RYR2: variants seen among roughly 807,000 people sequenced by gnomAD.
The protein encoded by RYR2 is cardiac muscle ryanodine receptor-calcium release channel.
In RYR2, 227 loss-of-function variants were observed where a neutral mutation model predicts 601.1. The observed-to-expected ratio is 0.38, with a 90% CI of 0.34 to 0.42. RYR2 has a LOEUF of 0.42. Ranked by LOEUF, RYR2 falls within the 10% of genes least tolerant of loss-of-function variation. The pLI, the probability that RYR2 is intolerant of heterozygous loss-of-function variation, is 1.00. For synonymous variants in RYR2, 2,223 were observed against 2,175.1 expected (o/e 1.02, Z -0.61); for missense variants, 4,646 against 6,156.5 (o/e 0.75, Z 8.21).
At chr1:237,778,837 A>G (rs1694871643) in intron 88 of RYR2, 67 bp downstream of exon 88, 1 of 777,332 alleles carries the variant, frequency 1.3e-6, no homozygotes, top group South Asian at 1.5e-5. Context: ...TCAGCAAATT[A>G]AACATGCTTT....
intron 1 of RYR2, among the ~76,000 whole-genome samples, chr1:237,262,014 A>G (rs896550409): frequency 5.9e-5 from 9 of 152,152 alleles, no homozygotes; most frequent in African/African-American, 2.2e-4. Flanking sequence ...AGCTCTTATA[A>G]TATTTCCTAG....
chr1:237,138,126 G>A (rs922514004), intron 1 of RYR2, among the ~76,000 whole-genome samples: 11 of 152,106 alleles, frequency 7.2e-5, no homozygotes, highest in African/African-American at 2.7e-4. Context: ...CTGCCTCCTG[G>A]GTTCAAGCGA....
chr1:237,694,370 G>A (rs1687230136), intron 63 of RYR2, among the ~76,000 whole-genome samples: 1 of 151,698 alleles, frequency 6.6e-6, no homozygotes, highest in Admixed American at 6.6e-5. Flanking sequence ...AGGATTCAGT[G>A]TGCCATTAAG....
At chr1:237,296,431 T>G (rs910977651) in intron 2 of RYR2, among the ~76,000 whole-genome samples, 1 of 152,172 alleles carries the variant, frequency 6.6e-6, no homozygotes, top group African/African-American at 2.4e-5. Context: ...AAAGAAATAC[T>G]TTGATTCAGA....
intron 1 of RYR2, among the ~76,000 whole-genome samples, chr1:237,181,877 T>C (rs1678798110): frequency 6.6e-6 from 1 of 152,310 alleles, no homozygotes; most frequent in African/African-American, 2.4e-5. Flanking sequence ...AGTTCCGTGA[T>C]GGTTAATCCA....
chr1:237,208,585 C>A (rs1203951259), intron 1 of RYR2, among the ~76,000 whole-genome samples: 1 of 151,930 alleles, frequency 6.6e-6, no homozygotes, highest in Admixed American at 6.6e-5. Flanking sequence ...GCATAATTGT[C>A]AAAAATTATA....
rs967199869 is a variant in RYR2, at chr1:237,454,495, C to G, written c.1397C>G (p.Pro466Arg). Residue 466 changes from proline (P) to arginine (R), a missense_variant, in exon 15 of 105, where the codon CCA becomes CGA. By Grantham distance (103) the Pro-to-Arg change is moderately radical (BLOSUM62 -2). Transcript: ENST00000366574. ...LQDLIGYFHP[P>R]DEHLEHEDKQ... ...GATCTCATTGGCTACTTCCACCCCC[C>G]AGATGAGCATTTAGAGCATGAAGAC... 2 of 1,613,542 alleles carry G rather than the reference C, an allele frequency of 1.2e-6. No homozygotes were observed. The highest frequency in any genetic ancestry group is 1.7e-6 in the Non-Finnish European group (2 of 1,179,664).
intron 1 of RYR2, among the ~76,000 whole-genome samples, chr1:237,220,427 G>A (rs886391867): frequency 3.9e-4 from 60 of 152,154 alleles, no homozygotes; most frequent in African/African-American, 1.4e-3. Flanking sequence ...TTCTGAGGCT[G>A]CCAGATTTAC....
chr1:237,229,804 T>C (rs535721904), intron 1 of RYR2, among the ~76,000 whole-genome samples: 1 of 152,284 alleles, frequency 6.6e-6, no homozygotes, highest in Non-Finnish European at 1.5e-5. Context: ...GTGCCCTTAC[T>C]GTAAGCTCAA....
At chr1:237,524,105 C>T (rs531854310) in intron 24 of RYR2, among the ~76,000 whole-genome samples, 2 of 152,280 alleles carry the variant, frequency 1.3e-5, no homozygotes, top group East Asian at 3.9e-4. Flanking sequence ...AAGATTTACA[C>T]GTAAATGTTC....
chr1:237,318,122 T>C (rs1328005749), intron 2 of RYR2, among the ~76,000 whole-genome samples: 1 of 151,922 alleles, frequency 6.6e-6, no homozygotes, highest in Non-Finnish European at 1.5e-5. Context: ...CTCTTAATTC[T>C]TATGTACTCG....
intron 72 of RYR2, among the ~76,000 whole-genome samples, chr1:237,717,758 C>T (rs773390627): frequency 8.5e-5 from 13 of 152,104 alleles, no homozygotes; most frequent in Admixed American, 6.5e-5. Context: ...AAGGTGTTGA[C>T]TTTTAAATCA....
chr1:237,803,758 T>C (rs1022654349), intron 98 of RYR2, among the ~76,000 whole-genome samples: 1 of 152,198 alleles, frequency 6.6e-6, no homozygotes, highest in African/African-American at 2.4e-5. Flanking sequence ...GCTTAAATTA[T>C]TCATATGGAC....
chr1:237,353,065 G>A (rs1446226100), intron 3 of RYR2, among the ~76,000 whole-genome samples: 2 of 152,144 alleles, frequency 1.3e-5, no homozygotes, highest in Non-Finnish European at 2.9e-5. Context: ...TTGTTTTCTA[G>A]TATGTAAAAT....
intron 1 of RYR2, among the ~76,000 whole-genome samples, chr1:237,093,357 G>A (rs965061949): frequency 2.0e-5 from 3 of 152,198 alleles, no homozygotes; most frequent in African/African-American, 4.8e-5. Context: ...AGACTTTCAG[G>A]AAAACTTGAG....
chr1:237,270,442 T>C (rs992090022), intron 1 of RYR2, 55 bp from the exon 2 acceptor site: 3 of 1,548,572 alleles, frequency 1.9e-6, no homozygotes, highest in Non-Finnish European at 2.6e-6. Flanking sequence ...TGATTTGGAC[T>C]GTGCAGTCAT....
chr1:237,259,546 A>AAGAGAG (rs55758034), intron 1 of RYR2, among the ~76,000 whole-genome samples: 6 of 143,832 alleles, frequency 4.2e-5, no homozygotes, highest in African/African-American at 1.3e-4. Context: ...AAAAAAAAAA[A>AAGAGAG]AGAGAGACTA....
chr1:237,595,183 T>C (rs1188542544), intron 33 of RYR2, among the ~76,000 whole-genome samples: 1 of 152,066 alleles, frequency 6.6e-6, no homozygotes, highest in Admixed American at 6.5e-5. Flanking sequence ...AGTTAAACTT[T>C]TTTGAACCCA....
chr1:237,340,649 C>A (rs1697691631), intron 3 of RYR2, among the ~76,000 whole-genome samples: 2 of 152,154 alleles, frequency 1.3e-5, no homozygotes, highest in Admixed American at 6.6e-5. Context: ...CTGTTACCTA[C>A]CTATTGAAGA....
Sources: allele counts gnomAD v4.1 joint callset (sites outside exome capture counted in the v4.1 genomes callset), GRCh38; gene constraint gnomAD v4.1.1; transcripts MANE v1.5; gene names NCBI Gene and HGNC (gene_info 2026-07-23, HGNC 2026-07-21).